CYFIP2: variants seen among roughly 807,000 people sequenced by gnomAD.
CYFIP2 encodes cytoplasmic FMR1-interacting protein 2.
In CYFIP2, 29 loss-of-function variants were observed where a neutral mutation model predicts 158.7. The observed-to-expected ratio is 0.18, with a 90% CI of 0.14 to 0.25. The LOEUF (loss-of-function observed/expected upper bound fraction) is 0.25, where lower values mean the gene tolerates loss of function less well. Ranked by LOEUF, CYFIP2 falls within the 10% of genes least tolerant of loss-of-function variation. The probability of loss-of-function intolerance (pLI) is 1.00; values close to 1 mark genes in which losing one functional copy is unlikely to be tolerated. For missense variants in CYFIP2, 852 were observed against 1,639.5 expected (o/e 0.52, Z 8.29); for synonymous variants, 585 against 617.6 (o/e 0.95, Z 0.78).
chr5:157,317,495 A>AT (rs949736709), intron 13 of CYFIP2, among the ~76,000 whole-genome samples: 1 of 151,968 alleles, frequency 6.6e-6, no homozygotes, highest in Non-Finnish European at 1.5e-5. Context: ...TTTTCTATTG[A>AT]TTTTCTACTT....
intron 20 of CYFIP2, among the ~76,000 whole-genome samples, chr5:157,331,061 C>G (rs1055550744): frequency 2.0e-5 from 3 of 152,116 alleles, no homozygotes; most frequent in African/African-American, 7.2e-5. Context: ...GCTTCTCCAC[C>G]CATCTATAGC....
intron 26 of CYFIP2, chr5:157,365,416 G>C (rs1764272802): frequency 6.6e-6 from 1 of 152,062 alleles, no homozygotes; most frequent in Non-Finnish European, 1.5e-5. Flanking sequence ...CTTGGACAAA[G>C]GTATTTTCCT....
intron 27 of CYFIP2, 49 bp from the exon 28 acceptor site, chr5:157,383,216 G>T (rs749537954): frequency 4.5e-6 from 7 of 1,551,206 alleles, no homozygotes; most frequent in Admixed American, 1.7e-5. Context: ...TTCCCCAGTT[G>T]CCCTGTGTTC....
chr5:157,314,577 C>T (rs1019801401), intron 12 of CYFIP2, 114 bp downstream of exon 12: 1 of 1,373,364 alleles, frequency 7.3e-7, no homozygotes, highest in Non-Finnish European at 9.7e-7. Context: ...ATTCACGTAC[C>T]ATACGATTTA....
rs986887501 is a variant in CYFIP2 at position 157,394,850 on chromosome 5, A to C, written c.*1850A>C. Reference sequence around the variant, plus strand: ...GACTTTTCCTTCTTGATGACCATAGATGTGTTCCAGAGGCAAAAGAGACAC... The same window carrying C: ...GACTTTTCCTTCTTGATGACCATAGCTGTGTTCCAGAGGCAAAAGAGACAC... On this transcript the variant is annotated 3_prime_UTR_variant, in exon 31 of 31. Coordinates refer to ENST00000620254, the MANE Select transcript of CYFIP2 (RefSeq NM_001037333.3). 6.6e-6 allele frequency: 1 copy of C among 152,372 alleles called. No homozygotes were observed. The highest frequency in any genetic ancestry group is 1.9e-4 in the East Asian group (1 of 5,190). 9.4% of individuals were successfully genotyped at this position (152,372 alleles called of 1,614,324 possible).
At chr5:157,387,355 G>C (rs937789656) in intron 28 of CYFIP2, among the ~76,000 whole-genome samples, 3 of 152,168 alleles carry the variant, frequency 2.0e-5, no homozygotes, top group Admixed American at 6.5e-5. Context: ...TGTAGTGGGT[G>C]GGGGGCACCA....
chr5:157,383,213 G>T (rs1561787331), intron 27 of CYFIP2, 52 bp from the exon 28 acceptor site: 1 of 1,541,708 alleles, frequency 6.5e-7, no homozygotes, highest in East Asian at 2.3e-5. Flanking sequence ...TCCTTCCCCA[G>T]TTGCCCTGTG....
chr5:157,347,352 T>C (rs933954672), intron 23 of CYFIP2, among the ~76,000 whole-genome samples: 8 of 150,740 alleles, frequency 5.3e-5, no homozygotes, highest in Admixed American at 5.3e-4. Context: ...GACCCTACCC[T>C]TGGCCAAAGG....
rs187264790 is a variant in CYFIP2, at chr5:157,316,145, C to T, written c.1356+1051C>T. ...ATATACCTACATGGAAGGCTATGCTCAGCATATTGTTAAGTTAAAAAAGAA... is the reference window on the plus strand; with the variant it reads ...ATATACCTACATGGAAGGCTATGCTTAGCATATTGTTAAGTTAAAAAAGAA... On this transcript the variant is annotated intron_variant, in intron 13 of 30. Coordinates refer to ENST00000620254, the MANE Select transcript of CYFIP2 (RefSeq NM_001037333.3). Among the ~76,000 whole-genome samples the T allele has an allele frequency of 1.9e-3, 293 of 152,084 alleles. 1 individual carries two copies. The highest frequency in any genetic ancestry group is 7.0e-3 in the African/African-American group (289 of 41,494).
At chr5:157,389,688 G>T in intron 29 of CYFIP2, 1 of 354,298 alleles carries the variant, frequency 2.8e-6, no homozygotes, top group Non-Finnish European at 5.1e-6. Context: ...CCTTAGAGCA[G>T]ACAGCAGAGC....
At chr5:157,377,507 A>C (rs1407598466) in intron 26 of CYFIP2, among the ~76,000 whole-genome samples, 2 of 152,164 alleles carry the variant, frequency 1.3e-5, no homozygotes, top group East Asian at 3.9e-4. Context: ...CATAGACCCC[A>C]GGCATACCCC....
chr5:157,326,079 G>T, intron 17 of CYFIP2, 92 bp from the exon 18 acceptor site: 1 of 981,024 alleles, frequency 1.0e-6, no homozygotes, highest in Non-Finnish European at 1.6e-6. Flanking sequence ...TTTCCTGACT[G>T]TGAACTTGTT....
chr5:157,343,343 T>A, intron 23 of CYFIP2: 2 of 1,614,184 alleles, frequency 1.2e-6, no homozygotes, highest in Non-Finnish European at 1.7e-6. Context: ...AGGGGCAAGA[T>A]GTTCCAGCAC....
At chr5:157,308,640 C>G (rs1255119202) in intron 9 of CYFIP2, among the ~76,000 whole-genome samples, 1 of 152,152 alleles carries the variant, frequency 6.6e-6, no homozygotes, top group Admixed American at 6.5e-5. Context: ...GGCATTAGAT[C>G]GAGCCTGAGT....
At chr5:157,336,505 G>A (rs1761866142) in intron 21 of CYFIP2, among the ~76,000 whole-genome samples, 1 of 152,228 alleles carries the variant, frequency 6.6e-6, no homozygotes, top group African/African-American at 2.4e-5. Flanking sequence ...CACAGCCTCA[G>A]TGGCAGGCTT....
Position 157,361,660 on chromosome 5 carries a change from C to T in CYFIP2, c.3039+62C>T. On this transcript the variant is annotated intron_variant, in intron 26 of 30. Transcript: ENST00000620254. The surrounding 1 kb of genome is among the most constrained non-coding windows in gnomAD (Gnocchi z 4.4). Reference sequence around the variant, plus strand: ...GGTTGGAGGGGATGCCAACCCCAAGCAGATATTGAGGCTCCTGCAGCATTG... The same window carrying T: ...GGTTGGAGGGGATGCCAACCCCAAGTAGATATTGAGGCTCCTGCAGCATTG... The T allele has an allele frequency of 6.2e-7, 1 of 1,600,762 alleles. No individual in the cohort carries two copies.
intron 3 of CYFIP2, among the ~76,000 whole-genome samples, chr5:157,294,053 A>T (rs892668700): frequency 1.3e-5 from 2 of 152,164 alleles, no homozygotes; most frequent in Admixed American, 6.5e-5. Context: ...TATTTGTAAG[A>T]GCAATTGGGG....
rs1229461467 is a variant in CYFIP2 at position 157,298,507 on chromosome 5, G to A, written c.387+1733G>A. Reference sequence around the variant, plus strand: ...TGTGCCACCACGACCAGCTACTTTTGTATTTTTTTTTTTTTTTTAGTAGAT... The same window carrying A: ...TGTGCCACCACGACCAGCTACTTTTATATTTTTTTTTTTTTTTTAGTAGAT... On this transcript the variant is annotated intron_variant, in intron 5 of 30. Coordinates refer to ENST00000620254, the MANE Select transcript of CYFIP2 (RefSeq NM_001037333.3). Among the ~76,000 whole-genome samples the A allele has an allele frequency of 3.0e-4, 15 of 50,736 alleles. No individual in the cohort carries two copies. In the Admixed American group the frequency reaches 3.2e-3, roughly 11 times the overall value. The allele number at this position is 50,736 out of a possible 152,430, so 33.3% of individuals were successfully genotyped here.
intron 13 of CYFIP2, among the ~76,000 whole-genome samples, chr5:157,317,875 C>T (rs1485445073): frequency 1.3e-5 from 2 of 152,126 alleles, no homozygotes; most frequent in Non-Finnish European, 2.9e-5. Flanking sequence ...TTCTTGGAGG[C>T]ATTCCTCCAC....
Sources: allele counts gnomAD v4.1 joint callset (sites outside exome capture counted in the v4.1 genomes callset), GRCh38; gene constraint gnomAD v4.1.1; non-coding constraint Gnocchi (gnomAD v3.1); transcripts MANE v1.5; gene names NCBI Gene and HGNC (gene_info 2026-07-23, HGNC 2026-07-21).